Variants in NUP37 observed in about 807,000 individuals in gnomAD.
NUP37 encodes the protein nucleoporin Nup37.
Under a neutral mutation model 45.4 loss-of-function variants are expected in NUP37, and 33 were observed. The observed-to-expected ratio is 0.73, with a 90% CI of 0.55 to 0.97. The LOEUF is 0.97. Ranked by LOEUF, NUP37 falls within the 50% of genes least tolerant of loss-of-function variation. The probability of loss-of-function intolerance (pLI) is 0.00; values close to 1 mark genes in which losing one functional copy is unlikely to be tolerated. For missense variants in NUP37, 365 were observed against 389.7 expected (o/e 0.94, Z 0.53); for synonymous variants, 127 against 130.7 (o/e 0.97, Z 0.19).
At chr12:102,111,533 G>C (rs1025965190) in intron 3 of NUP37, among the ~76,000 whole-genome samples, 1 of 152,158 alleles carries the variant, frequency 6.6e-6, no homozygotes, top group Non-Finnish European at 1.5e-5. Flanking sequence ...TTTTAGATTT[G>C]ACATTTGTAG....
intron 6 of NUP37, among the ~76,000 whole-genome samples, chr12:102,082,488 G>A (rs766008310): frequency 6.6e-6 from 1 of 152,234 alleles, no homozygotes; most frequent in Non-Finnish European, 1.5e-5. Flanking sequence ...ATGACCAGCA[G>A]CTAAAATTGA....
Position 102,074,298 on chromosome 12 carries a change from C to A in NUP37, c.*56G>T, listed in dbSNP as rs1387342625. On this transcript the variant is annotated 3_prime_UTR_variant, in exon 10 of 10. Coordinates refer to ENST00000552283, the MANE Select transcript of NUP37 (RefSeq NM_024057.4). ...CTTCAAAATATGTACTATAGAAATT[C>A]TTCAAAATATGTACTAAAAATACAA... 1.9e-6 allele frequency: 2 copies of A among 1,063,014 alleles called. No homozygotes were observed. The highest frequency in any genetic ancestry group is 2.0e-4 in the Middle Eastern group (1 of 4,908). 65.8% of individuals were successfully genotyped at this position (1,063,014 alleles called of 1,614,324 possible).
chr12:102,100,785 T>C (rs1879948106), intron 4 of NUP37, among the ~76,000 whole-genome samples: 1 of 152,186 alleles, frequency 6.6e-6, no homozygotes, highest in Non-Finnish European at 1.5e-5. Context: ...TTATTTGTTG[T>C]TCCTACCTAA....
rs545543108 is a variant in NUP37, at chr12:102,079,383, CAT to C, written c.541-1882_541-1881del. Among the ~76,000 whole-genome samples, 112 of 152,298 alleles carry C rather than the reference CAT, an allele frequency of 7.4e-4. No homozygotes were observed. In the East Asian group the frequency reaches 0.013, roughly 17 times the overall value. On this transcript the variant is annotated intron_variant, in intron 6 of 9. Coordinates refer to ENST00000552283, the MANE Select transcript of NUP37 (RefSeq NM_024057.4). ...TGAGCATCTATGTTATACACACACA[CAT>C]GGATAGTCAATTTCATTATTCATGG...
At chr12:102,085,062 A>G (rs780475221) in intron 6 of NUP37, among the ~76,000 whole-genome samples, 4 of 152,228 alleles carry the variant, frequency 2.6e-5, no homozygotes, top group African/African-American at 9.6e-5. Context: ...TTGTTCACAC[A>G]GTAGGGCTCA....
intron 6 of NUP37, among the ~76,000 whole-genome samples, chr12:102,082,369 G>A (rs568550299): frequency 1.8e-4 from 27 of 151,986 alleles, no homozygotes; most frequent in Non-Finnish European, 3.2e-4. Flanking sequence ...TAACAATTCT[G>A]GGCTTGCAGA....
intron 6 of NUP37, among the ~76,000 whole-genome samples, chr12:102,078,377 T>C (rs1279678851): frequency 6.6e-6 from 1 of 152,132 alleles, no homozygotes; most frequent in Non-Finnish European, 1.5e-5. Context: ...AGTGATGATG[T>C]GCCGTCACTA....
At position 102,100,415 on chromosome 12, in the gene NUP37, T is replaced by C. The variant is rs766560816; in HGVS notation, c.354+617A>G. On this transcript the variant is annotated intron_variant, in intron 4 of 9. Coordinates refer to ENST00000552283, the MANE Select transcript of NUP37 (RefSeq NM_024057.4). ...AATCTGAGGGTTATTATTATAGTAATAGAAAACACACATACGGCGTTTACT... is the reference window on the plus strand; with the variant it reads ...AATCTGAGGGTTATTATTATAGTAACAGAAAACACACATACGGCGTTTACT... Among the ~76,000 whole-genome samples the C allele has an allele frequency of 8.3e-4, 127 of 152,336 alleles. 1 individual carries two copies. Among genetic ancestry groups the C allele is most frequent in the Middle Eastern group, 6.8e-3 (2 of 294 alleles).
chr12:102,095,079 A>G (rs1304676972), intron 5 of NUP37, among the ~76,000 whole-genome samples: 7 of 152,086 alleles, frequency 4.6e-5, no homozygotes, highest in Admixed American at 3.9e-4. Flanking sequence ...TTTAATAAAT[A>G]CTTGTTGATC....
chr12:102,111,520 ATCTT>A (rs1880317963), intron 3 of NUP37, among the ~76,000 whole-genome samples: 1 of 152,242 alleles, frequency 6.6e-6, no homozygotes, highest in African/African-American at 2.4e-5. Context: ...AAGAAGACAC[ATCTT>A]TTAGATTTGA....
chr12:102,085,819 C>CAA lies in NUP37; in HGVS notation c.485_486dup (p.Val163LeufsTer8). On this transcript the variant is annotated frameshift_variant, in exon 6 of 10. Transcript: ENST00000552283. LOFTEE classifies it high-confidence loss of function. Reference sequence around the variant, plus strand: ...ACACTCATGCCAGGAGAATGAAGAACAAAATGAGCTGTTTGCACTCCTTCC... The same window carrying CAA: ...ACACTCATGCCAGGAGAATGAAGAACAAAAAATGAGCTGTTTGCACTCCTTCC... 1 of 1,602,036 alleles carries CAA rather than the reference C, an allele frequency of 6.2e-7. No individual in the cohort carries two copies. The highest frequency in any genetic ancestry group is 8.5e-7 in the Non-Finnish European group (1 of 1,170,374).
intron 2 of NUP37, among the ~76,000 whole-genome samples, chr12:102,117,608 T>C (rs1880501728): frequency 6.6e-6 from 1 of 152,210 alleles, no homozygotes; most frequent in South Asian, 2.1e-4. Flanking sequence ...CTTTGGTGAT[T>C]AAACCTGAGA....
chr12:102,115,239 G>T (rs1267271891), intron 2 of NUP37, among the ~76,000 whole-genome samples: 1 of 152,114 alleles, frequency 6.6e-6, no homozygotes, highest in South Asian at 2.1e-4. Context: ...GATTACTGTC[G>T]ATTTACAGAG....
At chr12:102,119,304 T>G (rs1307750911) in intron 1 of NUP37, 1 of 152,234 alleles carries the variant, frequency 6.6e-6, no homozygotes, top group Non-Finnish European at 1.5e-5. Context: ...AAATAGCTAA[T>G]GCATGTGGAG....
Position 102,076,692 on chromosome 12 carries a change from GA to G in NUP37, c.773+104del, listed in dbSNP as rs892088243. On this transcript the variant is annotated intron_variant, in intron 8 of 9. Coordinates refer to ENST00000552283, the MANE Select transcript of NUP37 (RefSeq NM_024057.4). ...AATAACCACTTATAAAACAATAAGG[GA>G]AAAAAAAAATCCAGTGCAAAGAAGA... is the stretch of plus-strand genomic sequence containing the variant. 3.8e-3 allele frequency: 3,060 copies of G among 808,896 alleles called. 2 individuals carry two copies. The highest frequency in any genetic ancestry group is 5.7e-3 in the South Asian group (313 of 55,104). 50.1% of individuals were successfully genotyped at this position (808,896 alleles called of 1,614,324 possible). A position where few individuals can be genotyped will look rare whatever the true frequency, so the allele number is the denominator to read the frequency against.
rs141322538 is a variant in NUP37 at position 102,118,417 on chromosome 12, G to T, written c.102C>A (p.Asn34Lys). 4.1e-5 allele frequency: 66 copies of T among 1,613,832 alleles called. No individual in the cohort carries two copies. Among genetic ancestry groups the T allele is most frequent in the Non-Finnish European group, 5.1e-5 (60 of 1,179,992 alleles). ...AATTATTGCCACCATATGCAATTAG[G>T]TTTCCTGAATCCCCATTCTCAAAGG... ...FNPFENGDSG[N>K]LIAYGGNNYV... Residue 34 changes from asparagine to lysine, a missense_variant, in exon 2 of 10, where the codon AAC becomes AAA. Physicochemically the swap from Asn to Lys is moderately conservative, Grantham distance 94. Transcript: ENST00000552283.
intron 5 of NUP37, among the ~76,000 whole-genome samples, chr12:102,093,376 G>C (rs1418435969): frequency 6.6e-6 from 1 of 152,018 alleles, no homozygotes; most frequent in African/African-American, 2.4e-5. Context: ...AACTGAGGCT[G>C]TCTCAGAGGA....
intron 5 of NUP37, among the ~76,000 whole-genome samples, chr12:102,095,905 C>G (rs1879790556): frequency 6.6e-6 from 1 of 152,060 alleles, no homozygotes; most frequent in South Asian, 2.1e-4. Context: ...CTACACAACT[C>G]ATAAATCTCT....
intron 4 of NUP37, 64 bp downstream of exon 4, chr12:102,100,968 A>T: frequency 9.9e-7 from 1 of 1,010,424 alleles, no homozygotes; most frequent in Non-Finnish European, 1.5e-6. Context: ...AAATCCAATT[A>T]AAAAAGCAAA....
Sources: gnomAD v4.1 joint callset for allele counts (sites outside exome capture counted in the v4.1 genomes callset) on GRCh38, gnomAD v4.1.1 for gene constraint, MANE v1.5 for transcripts, NCBI Gene and HGNC (gene_info 2026-07-23, HGNC 2026-07-21) for gene names.